Variants in SHTN1 observed in about 807,000 individuals in gnomAD.
SHTN1 encodes shootin 1, also known as shootin-1.
Under a neutral mutation model 83.1 loss-of-function variants are expected in SHTN1, and 42 were observed. The ratio of observed to expected loss-of-function variants is 0.51; its 90% confidence interval spans 0.39 to 0.65. SHTN1 has a LOEUF of 0.65. Among genes scored for constraint, SHTN1 ranks in the 30% least tolerant of loss-of-function variants. SHTN1 has a pLI of 0.00. For missense variants in SHTN1, 622 were observed against 737.8 expected (o/e 0.84, Z 1.82); for synonymous variants, 224 against 247.7 (o/e 0.90, Z 0.90).
rs182354530 is a variant in SHTN1 at position 117,033,010 on chromosome 10, A to C, written c.-123+15435T>G. ...AAACAAATAACAATGGAAACAGAAC[A>C]TACAAAAACCTATGGGACAGAGCAA... On this transcript the variant is annotated intron_variant, in intron 2 of 17. Transcript: ENST00000392901. 1.2e-3 allele frequency among the ~76,000 whole-genome samples: 190 copies of C among 152,314 alleles called. 2 individuals carry two copies. The highest frequency in any genetic ancestry group is 3.5e-3 in the Admixed American group (54 of 15,306).
intron 1 of SHTN1, among the ~76,000 whole-genome samples, chr10:117,088,046 G>A (rs1853375312): frequency 6.6e-6 from 1 of 152,206 alleles, no homozygotes; most frequent in African/African-American, 2.4e-5. Flanking sequence ...CAGGTCAAGT[G>A]TTAGAGATTA....
chr10:116,890,359 T>C (rs914140189), intron 16 of SHTN1, among the ~76,000 whole-genome samples: 4 of 152,330 alleles, frequency 2.6e-5, no homozygotes, highest in Admixed American at 6.5e-5. Flanking sequence ...GGGATCACCA[T>C]GGTGAGCTAG....
chr10:116,988,573 G>A (rs1441486455), intron 1 of SHTN1, among the ~76,000 whole-genome samples: 1 of 149,540 alleles, frequency 6.7e-6, no homozygotes, highest in Non-Finnish European at 1.5e-5. Context: ...TTTTGAGACA[G>A]GGTCTCACTC....
chr10:117,039,871 A>G (rs1411364991), intron 2 of SHTN1, among the ~76,000 whole-genome samples: 2 of 151,538 alleles, frequency 1.3e-5, no homozygotes, highest in African/African-American at 2.4e-5. Context: ...AAAAAGAAAG[A>G]AAGAAAAAGG....
intron 1 of SHTN1, among the ~76,000 whole-genome samples, chr10:117,121,896 G>A (rs556925426): frequency 2.7e-4 from 41 of 152,140 alleles, no homozygotes; most frequent in African/African-American, 9.4e-4. Flanking sequence ...GCCAGGCGTG[G>A]TGGCAGGCGC....
At chr10:116,961,500 T>C (rs758362068) in intron 3 of SHTN1, among the ~76,000 whole-genome samples, 2 of 151,866 alleles carry the variant, frequency 1.3e-5, no homozygotes, top group Non-Finnish European at 2.9e-5. Flanking sequence ...TTATTACAAG[T>C]GGCACATTTG....
intron 1 of SHTN1, among the ~76,000 whole-genome samples, chr10:117,098,474 G>C (rs564683386): frequency 1.3e-5 from 2 of 150,274 alleles, no homozygotes; most frequent in East Asian, 3.9e-4. Context: ...TAATGATCAA[G>C]ATGAAATTAT....
intron 7 of SHTN1, among the ~76,000 whole-genome samples, chr10:116,947,360 C>G (rs1249893800): frequency 1.3e-5 from 2 of 152,170 alleles, no homozygotes; most frequent in Non-Finnish European, 2.9e-5. Context: ...GCTCTCTTAA[C>G]AGCTGCCTTC....
chr10:116,934,595 G>A (rs1849087763), intron 9 of SHTN1, among the ~76,000 whole-genome samples: 1 of 152,126 alleles, frequency 6.6e-6, no homozygotes, highest in Non-Finnish European at 1.5e-5. Flanking sequence ...TTGAAGCCAG[G>A]CAGTGTGATG....
chr10:116,932,694 G>A (rs553656525), intron 9 of SHTN1, among the ~76,000 whole-genome samples: 15 of 152,282 alleles, frequency 9.9e-5, no homozygotes, highest in African/African-American at 2.4e-4. Context: ...TTCAACTAAC[G>A]TGGGTTTATC....
chr10:116,911,626 T>C (rs1242215375), intron 14 of SHTN1, 164 bp downstream of exon 14: 2 of 1,554,828 alleles, frequency 1.3e-6, no homozygotes, highest in Non-Finnish European at 8.7e-7. Flanking sequence ...TATTAACATA[T>C]GTGATGGAGC....
At chr10:116,901,641 A>T in intron 16 of SHTN1, 124 bp downstream of exon 16, 1 of 1,352,166 alleles carries the variant, frequency 7.4e-7, no homozygotes, top group Non-Finnish European at 9.5e-7. Flanking sequence ...TCAAATGAAA[A>T]GAAGAAGAGA....
intron 1 of SHTN1, among the ~76,000 whole-genome samples, chr10:117,059,271 T>C (rs1852867978): frequency 6.6e-6 from 1 of 152,190 alleles, no homozygotes; most frequent in Non-Finnish European, 1.5e-5. Context: ...ATGTAAAATA[T>C]AGAGTACAGC....
At chr10:116,990,287 CTTT>C (rs11399364) in intron 1 of SHTN1, among the ~76,000 whole-genome samples, 5 of 119,914 alleles carry the variant, frequency 4.2e-5, no homozygotes, top group Non-Finnish European at 6.6e-5. Flanking sequence ...TTTTTTCTTT[CTTT>C]TTTTTTTTTT....
chr10:116,882,916 T>G lies in SHTN1; in HGVS notation c.*3428A>C, dbSNP rs1330514504. On this transcript the variant is annotated 3_prime_UTR_variant, in exon 17 of 17. Transcript: ENST00000355371. The stretch of plus-strand genomic sequence containing the variant: ...GGGTAGGAGAAACTGGAAGGAAAAT[T>G]CATTTGAAAGGCAGAACAAACATGA... 6.6e-6 allele frequency: 1 copy of G among 151,438 alleles called. No individual in the cohort carries two copies. The highest frequency in any genetic ancestry group is 1.5e-5 in the Non-Finnish European group (1 of 67,958). The allele number at this position is 151,438 out of a possible 1,614,324, so 9.4% of individuals were successfully genotyped here. A position where few individuals can be genotyped will look rare whatever the true frequency, so the allele number is the denominator to read the frequency against.
rs11813822 is a variant in SHTN1, at chr10:116,935,889, T to C, written c.858+4577A>G. 3.7e-3 allele frequency among the ~76,000 whole-genome samples: 569 copies of C among 152,292 alleles called. 3 individuals are homozygous for C. The highest frequency in any genetic ancestry group is 0.013 in the African/African-American group (546 of 41,544). On this transcript the variant is annotated intron_variant, in intron 9 of 16. Transcript: ENST00000355371. ...GGGATTCCACTTCTTCCTGATTTAGTCTTGGGAGGGTGTATGTGTCCAGCA... is the reference window on the plus strand; with the variant it reads ...GGGATTCCACTTCTTCCTGATTTAGCCTTGGGAGGGTGTATGTGTCCAGCA...
At chr10:116,926,867 C>CA (rs945294451) in intron 11 of SHTN1, among the ~76,000 whole-genome samples, 1 of 152,080 alleles carries the variant, frequency 6.6e-6, no homozygotes, top group African/African-American at 2.4e-5. Context: ...TGTGGAACCA[C>CA]AAAAAAGGCA....
intron 16 of SHTN1, among the ~76,000 whole-genome samples, chr10:116,887,705 T>C (rs1847210718): frequency 6.6e-6 from 1 of 152,190 alleles, no homozygotes; most frequent in Non-Finnish European, 1.5e-5. Flanking sequence ...TCTCTTCCAA[T>C]AGCATGTAAA....
At chr10:117,110,528 T>C (rs1047508321) in intron 1 of SHTN1, among the ~76,000 whole-genome samples, 8 of 151,816 alleles carry the variant, frequency 5.3e-5, no homozygotes, top group Non-Finnish European at 1.2e-4. Context: ...ATTTTTTTTT[T>C]TTTTTGTATT....
Sources: gnomAD v4.1 joint callset for allele counts (sites outside exome capture counted in the v4.1 genomes callset) on GRCh38, gnomAD v4.1.1 for gene constraint, MANE v1.5 for transcripts, NCBI Gene and HGNC (gene_info 2026-07-23, HGNC 2026-07-21) for gene names.